Variants in NTAN1 observed in about 807,000 individuals in gnomAD.
The protein encoded by NTAN1 is protein N-terminal asparagine amidohydrolase.
NTAN1 carries 32 observed loss-of-function variants against 41.9 expected under a neutral mutation model. That is an observed-to-expected ratio of 0.76 (90% CI 0.58 to 1.03). NTAN1 has a LOEUF of 1.03. Ranked by LOEUF, NTAN1 falls within the 50% of genes least tolerant of loss-of-function variation. NTAN1 has a pLI of 0.00. For missense variants in NTAN1, 377 were observed against 377.5 expected (o/e 1.00, Z 0.01); for synonymous variants, 140 against 139.5 (o/e 1.00, Z -0.03).
At position 15,038,682 on chromosome 16, in the gene NTAN1, A is replaced by C. The variant is rs756246051; in HGVS notation, c.645T>G (p.Ile215Met). ...GTTCTGTCTCTGCATCATAAATGCT[A>C]ATCATCTAAAAAAGAACGTGTCAAG... is the stretch of plus-strand genomic sequence containing the variant. ...AARTLAGGPM[I>M]SIYDAETEQL... The change falls in exon 9 of 10, where the codon ATT becomes ATG. Residue 215 changes from isoleucine to methionine, a missense_variant. Transcript: ENST00000287706. 2 of 1,538,324 alleles carry C rather than the reference A, an allele frequency of 1.3e-6. No individual in the cohort carries two copies. The highest frequency in any genetic ancestry group is 2.3e-5 in the South Asian group (2 of 87,446).
At chr16:15,055,560 A>T (rs1207076355) in intron 1 of NTAN1, among the ~76,000 whole-genome samples, 4 of 152,206 alleles carry the variant, frequency 2.6e-5, no homozygotes, top group African/African-American at 9.6e-5. Flanking sequence ...AAACGGACCC[A>T]GCCCTATGGG....
chr16:15,040,534 C>G (rs1773041588), intron 7 of NTAN1: 2 of 174,010 alleles, frequency 1.1e-5, no homozygotes, highest in East Asian at 1.7e-4. Context: ...AGCAGAAGCC[C>G]TCGGAAATAG....
intron 8 of NTAN1, among the ~76,000 whole-genome samples, chr16:15,039,263 T>TA (rs1251504526): frequency 1.3e-5 from 2 of 152,204 alleles, no homozygotes; most frequent in African/African-American, 4.8e-5. Flanking sequence ...CTAGGCCTGT[T>TA]ACACTCCTTG....
At chr16:15,048,480 A>G (rs895330195) in intron 1 of NTAN1, among the ~76,000 whole-genome samples, 4 of 151,940 alleles carry the variant, frequency 2.6e-5, no homozygotes, top group Admixed American at 6.6e-5. Context: ...TTGGCCTCCC[A>G]AAGTGCTGGG....
At chr16:15,040,283 G>A (rs1455607714) in intron 7 of NTAN1, 1 of 424,780 alleles carries the variant, frequency 2.4e-6, no homozygotes, top group Admixed American at 4.3e-5. Flanking sequence ...GACTCGGTGA[G>A]ATTTTGTTCT....
chr16:15,044,567 T>G, intron 4 of NTAN1, 160 bp from the exon 5 acceptor site: 5 of 620,868 alleles, frequency 8.1e-6, no homozygotes, highest in Non-Finnish European at 1.4e-5. Context: ...GGCAGCACAC[T>G]GCCAAGGCCA....
intron 1 of NTAN1, among the ~76,000 whole-genome samples, chr16:15,050,094 T>C (rs2044238334): frequency 6.6e-6 from 1 of 152,166 alleles, no homozygotes; most frequent in South Asian, 2.1e-4. Context: ...AAAAACAAAA[T>C]GGATAAGGCA....
At chr16:15,042,126 G>A (rs1207720293) in intron 5 of NTAN1, among the ~76,000 whole-genome samples, 1 of 151,072 alleles carries the variant, frequency 6.6e-6, no homozygotes, top group Non-Finnish European at 1.5e-5. Context: ...AATAATTAGT[G>A]TATTTTCTTC....
In NTAN1 at chr16:15,038,662, G is replaced by A; in HGVS notation, c.665C>T (p.Thr222Ile). Residue 222 changes from threonine to isoleucine, a missense_variant, in exon 9 of 10, where the codon ACA becomes ATA. Thr to Ile is a moderately conservative substitution (Grantham distance 89, BLOSUM62 -1). Transcript: ENST00000287706. ...GTACGGTCCTATACGAAGTTGTTCT[G>A]TCTCTGCATCATAAATGCTAATCAT... ...GPMISIYDAE[T>I]EQLRIGPYSW... 1 of 1,593,628 alleles carries A rather than the reference G, an allele frequency of 6.3e-7. No homozygotes were observed. The highest frequency in any genetic ancestry group is 8.6e-7 in the Non-Finnish European group (1 of 1,163,908).
At position 15,046,698 on chromosome 16, in the gene NTAN1, A is replaced by C. The variant is rs1387126043; in HGVS notation, c.359+744T>G. Among the ~76,000 whole-genome samples the C allele has an allele frequency of 4.6e-4, 8 of 17,450 alleles. No homozygotes were observed. In the Admixed American group the frequency reaches 6.5e-3, roughly 14 times the overall value. 11.4% of individuals were successfully genotyped at this position (17,450 alleles called of 152,430 possible). On this transcript the variant is annotated intron_variant, in intron 4 of 9. Transcript: ENST00000287706. The stretch of plus-strand genomic sequence containing the variant: ...AACTTGGCAAAACCCTGTCTCTACC[A>C]AAAAAAAAAAAAAAAAAAAAAAAAA...
At position 15,040,083 on chromosome 16, in the gene NTAN1, G is replaced by A. The variant is rs776894263; in HGVS notation, c.542-17C>T. 2.8e-6 allele frequency: 4 copies of A among 1,421,078 alleles called. No homozygotes were observed. Among genetic ancestry groups the A allele is most frequent in the Non-Finnish European group, 4.0e-6 (4 of 1,008,230 alleles). 88.0% of individuals were successfully genotyped at this position (1,421,078 alleles called of 1,614,324 possible). On this transcript the variant is annotated splice_polypyrimidine_tract_variant and intron_variant, in intron 7 of 9. Coordinates refer to ENST00000287706, the MANE Select transcript of NTAN1 (RefSeq NM_173474.4). ...TGTTGACAGCTGTGAGGGACAACAG[G>A]ATGACTCTGAATTGACAAAAGACCA...
At chr16:15,051,251 T>C (rs939196778) in intron 1 of NTAN1, among the ~76,000 whole-genome samples, 1 of 152,242 alleles carries the variant, frequency 6.6e-6, no homozygotes, top group Non-Finnish European at 1.5e-5. Flanking sequence ...CCAAAAATCA[T>C]GTCTCTCTTC....
intron 4 of NTAN1, 155 bp downstream of exon 4, chr16:15,047,287 C>T (rs999243987): frequency 4.8e-5 from 30 of 626,058 alleles, no homozygotes; most frequent in African/African-American, 1.8e-4. Flanking sequence ...CCACTGCTGA[C>T]GCAGTGCCCA....
At chr16:15,040,219 A>T (rs965927590) in intron 7 of NTAN1, 153 bp from the exon 8 acceptor site, 1 of 446,754 alleles carries the variant, frequency 2.2e-6, no homozygotes, top group Non-Finnish European at 4.0e-6. Context: ...CTGGAGGGGG[A>T]AAATGCAACC....
At position 15,040,034 on chromosome 16, in the gene NTAN1, C is replaced by T; in HGVS notation, c.574G>A (p.Ala192Thr). The change falls in exon 8 of 10, where the codon GCA (alanine) becomes ACA (threonine). Residue 192 changes from alanine to threonine, a missense_variant. Transcript: ENST00000287706. ...VNIKTAEIYR[A>T]SFQDRGPEEQ... is the part of the protein sequence containing the mutation. ...TCCGGACCCCGATCTTGAAAGGATG[C>T]TCTGTAAATCTCTGCAGTCTTAATG... The T allele has an allele frequency of 1.2e-6, 2 of 1,610,358 alleles. No individual in the cohort carries two copies. The highest frequency in any genetic ancestry group is 1.7e-6 in the Non-Finnish European group (2 of 1,176,834).
At chr16:15,045,761 T>G (rs958742617) in intron 4 of NTAN1, 1 of 152,264 alleles carries the variant, frequency 6.6e-6, no homozygotes, top group Admixed American at 6.5e-5. Flanking sequence ...CCCACACTCA[T>G]CTACTAACCC....
At chr16:15,043,778 T>A (rs145686441) in intron 5 of NTAN1, among the ~76,000 whole-genome samples, 1 of 152,200 alleles carries the variant, frequency 6.6e-6, no homozygotes, top group Non-Finnish European at 1.5e-5. Context: ...TGAAACCCCA[T>A]TTCTACCAAA....
At chr16:15,039,921 G>A in intron 8 of NTAN1, 48 bp downstream of exon 8, 1 of 1,064,890 alleles carries the variant, frequency 9.4e-7, no homozygotes, top group Non-Finnish European at 1.4e-6. Context: ...CTTGACATTT[G>A]ATGCCTTTTT....
At chr16:15,050,330 G>T (rs776027055) in intron 1 of NTAN1, among the ~76,000 whole-genome samples, 1 of 152,150 alleles carries the variant, frequency 6.6e-6, no homozygotes, top group African/African-American at 2.4e-5. Context: ...TCTAGACAAC[G>T]TATGTATGTA....
Sources: allele counts gnomAD v4.1 joint callset (sites outside exome capture counted in the v4.1 genomes callset), GRCh38; gene constraint gnomAD v4.1.1; transcripts MANE v1.5; gene names NCBI Gene and HGNC (gene_info 2026-07-23, HGNC 2026-07-21).